The following MAN2B2 variants were observed in gnomAD, a reference collection of about 807,000 sequenced individuals.
The protein encoded by MAN2B2 is mannosidase alpha class 2B member 2, also known as epididymis-specific alpha-mannosidase.
Under a neutral mutation model 117.1 loss-of-function variants are expected in MAN2B2, and 106 were observed. The observed-to-expected ratio is 0.90, with a 90% CI of 0.77 to 1.06. The LOEUF (loss-of-function observed/expected upper bound fraction) is 1.06. Among genes scored for constraint, MAN2B2 ranks in the 50% least tolerant of loss-of-function variants. The probability of loss-of-function intolerance (pLI) is 0.00; values close to 1 mark genes in which losing one functional copy is unlikely to be tolerated. For synonymous variants in MAN2B2, 544 were observed against 595.1 expected, an observed-to-expected ratio of 0.91 and a Z score of 1.25; for missense variants, 1,326 against 1,381.4, an observed-to-expected ratio of 0.96 and a Z score of 0.64.
intron 3 of MAN2B2, among the ~76,000 whole-genome samples, chr4:6,583,921 C>G (rs1362720264): frequency 6.6e-6 from 1 of 152,206 alleles, no homozygotes; most frequent in Non-Finnish European, 1.5e-5. Context: ...TGCACACATG[C>G]CCATCTGACG....
Position 6,575,301 on chromosome 4 carries a change from G to C in MAN2B2, c.91G>C (p.Val31Leu), listed in dbSNP as rs1217535901. ...GTCCGCCGGCCCCATCCGGGCCTTC[G>C]TGGTGCCCCACAGCCACATGGACGT... ...VQSAGPIRAF[V>L]VPHSHMDVGW... The change falls in exon 1 of 19, where the codon GTG becomes CTG. Residue 31 changes from valine to leucine, a missense_variant. Transcript: ENST00000285599. The C allele has an allele frequency of 9.5e-6, 15 of 1,576,038 alleles. No homozygotes were observed. Among genetic ancestry groups the C allele is most frequent in the Non-Finnish European group, 1.3e-5 (15 of 1,166,848 alleles).
chr4:6,579,374 C>T (rs1332825793), intron 3 of MAN2B2, among the ~76,000 whole-genome samples: 3 of 102,422 alleles, frequency 2.9e-5, no homozygotes, highest in African/African-American at 9.6e-5. Context: ...CCATCACCAC[C>T]ACCACCACTA....
Position 6,612,990 on chromosome 4 carries a change from T to G in MAN2B2, c.2564-1228T>G, listed in dbSNP as rs529813057. Among the ~76,000 whole-genome samples the G allele has an allele frequency of 1.2e-4, 19 of 152,352 alleles. No individual in the cohort carries two copies. In the South Asian group the frequency reaches 3.5e-3, roughly 28 times the overall value. On this transcript the variant is annotated intron_variant, in intron 15 of 18. Coordinates refer to ENST00000285599, the MANE Select transcript of MAN2B2 (RefSeq NM_015274.3). The stretch of plus-strand genomic sequence containing the variant: ...ACTTTCCTTCACCTCCCACCTGGGA[T>G]GTGACTCTGAACAGCTCTGGGGCTG...
intron 18 of MAN2B2, 128 bp from the exon 19 acceptor site, chr4:6,621,060 A>G: frequency 3.1e-6 from 2 of 652,090 alleles, no homozygotes; most frequent in Non-Finnish European, 5.5e-6. Context: ...AGCAGATTGT[A>G]GACAGGTGCA....
At chr4:6,595,866 G>C (rs1035295312) in intron 7 of MAN2B2, among the ~76,000 whole-genome samples, 1 of 152,218 alleles carries the variant, frequency 6.6e-6, no homozygotes, top group African/African-American at 2.4e-5. Flanking sequence ...CCAGCCTCTG[G>C]GTCTGCATGG....
At chr4:6,597,699 G>A (rs968938429) in intron 8 of MAN2B2, among the ~76,000 whole-genome samples, 1 of 152,212 alleles carries the variant, frequency 6.6e-6, no homozygotes, top group East Asian at 1.9e-4. Context: ...CCAGGAGGAC[G>A]GTGGGGCAAT....
intron 10 of MAN2B2, among the ~76,000 whole-genome samples, chr4:6,604,003 G>A (rs1727434920): frequency 6.6e-6 from 1 of 152,250 alleles, no homozygotes; most frequent in African/African-American, 2.4e-5. Context: ...GAGGTGAGCA[G>A]AGGCCAGGAG....
At position 6,620,035 on chromosome 4, in the gene MAN2B2, C is replaced by T. The variant is rs148481113; in HGVS notation, c.2923C>T (p.Arg975Cys). Reference sequence around the variant, plus strand: ...CTGGAGCTGGAGGACGGGGCCTGGCCGCCACAGAGGTTTGGGGACCCCCGC... The same window carrying T: ...CTGGAGCTGGAGGACGGGGCCTGGCTGCCACAGAGGTTTGGGGACCCCCGC... ...HRWSWRTGPG[R>C]HRGDTTSPSR... The change falls in exon 18 of 19, where the codon CGC (arginine) becomes TGC (cysteine). Residue 975 changes from arginine (R) to cysteine (C), a missense_variant. Physicochemically the swap from Arg to Cys is radical, Grantham distance 180. Coordinates refer to ENST00000285599, the MANE Select transcript of MAN2B2 (RefSeq NM_015274.3). The T allele has an allele frequency of 2.8e-5, 45 of 1,611,628 alleles. No homozygotes were observed. Among genetic ancestry groups the T allele is most frequent in the East Asian group, 4.5e-5 (2 of 44,810 alleles).
At chr4:6,596,484 C>T (rs1197721727) in intron 7 of MAN2B2, among the ~76,000 whole-genome samples, 2 of 152,176 alleles carry the variant, frequency 1.3e-5, no homozygotes, top group Non-Finnish European at 2.9e-5. Context: ...CCTTCTGAGA[C>T]AGACAGCCAC....
chr4:6,589,033 C>G lies in MAN2B2; in HGVS notation c.565-12C>G, dbSNP rs373810724. ...TGGCCCCTCCAGCCTCATTCTTCTCCTCGGTTTGCAGGGGCTGCAGTTCGT... is the reference window on the plus strand; with the variant it reads ...TGGCCCCTCCAGCCTCATTCTTCTCGTCGGTTTGCAGGGGCTGCAGTTCGT... On this transcript the variant is annotated splice_polypyrimidine_tract_variant and intron_variant, in intron 4 of 18. Transcript: ENST00000285599. The G allele has an allele frequency of 3.1e-6, 5 of 1,608,702 alleles. No homozygotes were observed. In the African/African-American group the frequency reaches 6.7e-5, roughly 22 times the overall value.
chr4:6,616,328 A>G (rs1055673729), intron 16 of MAN2B2, among the ~76,000 whole-genome samples: 8 of 152,062 alleles, frequency 5.3e-5, no homozygotes, highest in African/African-American at 1.9e-4. Flanking sequence ...TCTGAGTGGG[A>G]AGATCAGGGA....
At chr4:6,599,547 C>T (rs1727242524) in intron 9 of MAN2B2, among the ~76,000 whole-genome samples, 1 of 151,968 alleles carries the variant, frequency 6.6e-6, no homozygotes. Context: ...GCCTGTAGTC[C>T]CAGCTACTCA....
intron 3 of MAN2B2, among the ~76,000 whole-genome samples, chr4:6,583,163 G>A (rs1726501920): frequency 6.6e-6 from 1 of 152,118 alleles, no homozygotes; most frequent in Non-Finnish European, 1.5e-5. Context: ...ATAGGGAATG[G>A]TGGAGCCAGG....
At chr4:6,600,494 T>TC in intron 9 of MAN2B2, 129 bp from the exon 10 acceptor site, 1 of 1,096,934 alleles carries the variant, frequency 9.1e-7, no homozygotes, top group South Asian at 1.4e-5. Flanking sequence ...CCTTCCTGGC[T>TC]CCCCTGGGAG....
chr4:6,600,228 A>C lies in MAN2B2; in HGVS notation c.1406-395A>C, dbSNP rs546564890. Among the ~76,000 whole-genome samples, 14 of 152,358 alleles carry C rather than the reference A, an allele frequency of 9.2e-5. No homozygotes were observed. In the South Asian group the frequency reaches 2.9e-3, roughly 32 times the overall value. On this transcript the variant is annotated intron_variant, in intron 9 of 18. Transcript: ENST00000285599. ...TCCAGAGAATTCTCTGGTGGCTCAC[A>C]GTGCCCAGCACTCAAAGCTTTGCAG...
intron 5 of MAN2B2, among the ~76,000 whole-genome samples, chr4:6,591,185 A>C (rs1159975772): frequency 1.3e-5 from 2 of 151,002 alleles, no homozygotes; most frequent in Non-Finnish European, 2.9e-5. Flanking sequence ...TGGGAGAGGG[A>C]AGGGGCCTGG....
chr4:6,614,081 G>A (rs1711731186), intron 15 of MAN2B2, 137 bp from the exon 16 acceptor site: 8 of 1,075,848 alleles, frequency 7.4e-6, no homozygotes, highest in Non-Finnish European at 9.4e-6. Context: ...CTTTGGGCTG[G>A]TGCGGGGTAG....
Position 6,605,175 on chromosome 4 carries a change from G to A in MAN2B2, c.1660G>A (p.Glu554Lys). Reference sequence around the variant, plus strand: ...TGCAGGGGCCCAAGAGGGCACCCAGGAGCCGGCTGCCACTGTGGCGAGCAC... The same window carrying A: ...TGCAGGGGCCCAAGAGGGCACCCAGAAGCCGGCTGCCACTGTGGCGAGCAC... ...PTAGAQEGTQ[E>K]PAATVASTLQ... The change falls in exon 11 of 19, where the codon GAG becomes AAG. Residue 554 changes from glutamate (E) to lysine (K), a missense_variant. Transcript: ENST00000285599. The A allele has an allele frequency of 1.9e-6, 3 of 1,614,196 alleles. No individual in the cohort carries two copies. Among genetic ancestry groups the A allele is most frequent in the Non-Finnish European group, 2.5e-6 (3 of 1,180,020 alleles).
chr4:6,611,272 C>A lies in MAN2B2; in HGVS notation c.2557C>A (p.Leu853Ile). Residue 853 changes from leucine to isoleucine, a missense_variant, in exon 15 of 19, where the codon CTC becomes ATC. By Grantham distance (5) the Leu-to-Ile change is conservative (BLOSUM62 2). Coordinates refer to ENST00000285599, the MANE Select transcript of MAN2B2 (RefSeq NM_015274.3). ...CAGGCCCGTGGTGCTGTTCGGAGACCTCGCTGGTAAAGGGGCACCCTTTCA... is the reference window on the plus strand; with the variant it reads ...CAGGCCCGTGGTGCTGTTCGGAGACATCGCTGGTAAAGGGGCACCCTTTCA... ...QHRPVVLFGD[L>I]AGTAPKLPGP... The A allele has an allele frequency of 6.3e-7, 1 of 1,599,406 alleles. No homozygotes were observed. Among genetic ancestry groups the A allele is most frequent in the Non-Finnish European group, 8.5e-7 (1 of 1,172,642 alleles).
Sources: gnomAD v4.1 joint callset for allele counts (sites outside exome capture counted in the v4.1 genomes callset) on GRCh38, gnomAD v4.1.1 for gene constraint, MANE v1.5 for transcripts, NCBI Gene and HGNC (gene_info 2026-07-23, HGNC 2026-07-21) for gene names.